STK24: variants seen among roughly 807,000 people sequenced by gnomAD.
The protein encoded by STK24 is serine/threonine kinase 24.
A neutral mutation model predicts 55.6 loss-of-function variants in STK24; 21 were observed. The ratio of observed to expected loss-of-function variants is 0.38; its 90% confidence interval spans 0.27 to 0.54. The LOEUF (loss-of-function observed/expected upper bound fraction) is 0.54. Ranked by LOEUF, STK24 falls within the 20% of genes least tolerant of loss-of-function variation. STK24 has a pLI of 0.79. For missense variants in STK24, 383 were observed against 538.4 expected, an observed-to-expected ratio of 0.71 and a Z score of 2.86; for synonymous variants, 200 against 215.2, an observed-to-expected ratio of 0.93 and a Z score of 0.62.
chr13:98,474,795 C>A (rs376536821), intron 5 of STK24, 26 bp downstream of exon 5: 1 of 1,577,748 alleles, frequency 6.3e-7, no homozygotes, highest in South Asian at 1.2e-5. Flanking sequence ...TCGTGAGGCA[C>A]GGCGCCGCCC....
chr13:98,523,640 G>A (rs564271598), intron 1 of STK24, among the ~76,000 whole-genome samples: 8 of 152,168 alleles, frequency 5.3e-5, no homozygotes, highest in Non-Finnish European at 8.8e-5. Context: ...CTTCCTCGAC[G>A]CCAGCTGAGC....
chr13:98,456,340 C>G, intron 10 of STK24: 5 of 372,866 alleles, frequency 1.3e-5, no homozygotes, highest in Admixed American at 6.5e-5. Flanking sequence ...CCCTCATGAT[C>G]ACAGAGTCTC....
chr13:98,502,559 G>C (rs1895515888), intron 2 of STK24, among the ~76,000 whole-genome samples: 1 of 152,160 alleles, frequency 6.6e-6, no homozygotes, highest in South Asian at 2.1e-4. Context: ...GAGCCCTCAT[G>C]AATGTATTAA....
At chr13:98,488,177 A>ACC (rs1555304730) in intron 2 of STK24, among the ~76,000 whole-genome samples, 1 of 146,578 alleles carries the variant, frequency 6.8e-6, no homozygotes, top group Non-Finnish European at 1.5e-5. Context: ...ACACACACAC[A>ACC]CACACACACA....
At chr13:98,481,889 AAACAAC>A (rs753407168) in intron 3 of STK24, among the ~76,000 whole-genome samples, 21 of 151,844 alleles carry the variant, frequency 1.4e-4, no homozygotes, top group African/African-American at 1.9e-4. Context: ...TTCTACCCAA[AAACAAC>A]AACAACAACA....
chr13:98,517,712 C>T (rs77435235), intron 2 of STK24, among the ~76,000 whole-genome samples: 1,595 of 152,306 alleles, frequency 0.01, 27 homozygotes, highest in African/African-American at 0.036. Flanking sequence ...TTTGCTGTGT[C>T]AAGACCCAAA....
intron 1 of STK24, among the ~76,000 whole-genome samples, chr13:98,546,201 CCT>C (rs1269781655): frequency 2.0e-5 from 3 of 152,192 alleles, no homozygotes; most frequent in Admixed American, 1.3e-4. Context: ...TCCCCCAACC[CCT>C]GTTCACAAGA....
At chr13:98,464,687 G>A (rs1267423540) in intron 6 of STK24, among the ~76,000 whole-genome samples, 1 of 151,488 alleles carries the variant, frequency 6.6e-6, no homozygotes, top group Non-Finnish European at 1.5e-5. Context: ...AGTAGAAACG[G>A]GATTTCACCA....
Position 98,449,002 on chromosome 13 carries a change from G to GTTGTT in STK24, c.*4166_*4170dup, listed in dbSNP as rs1555299007. 1.3e-5 allele frequency: 2 copies of GTTGTT among 152,160 alleles called. No individual in the cohort carries two copies. The highest frequency in any genetic ancestry group is 4.8e-5 in the African/African-American group (2 of 41,406). The allele number at this position is 152,160 out of a possible 1,614,324, so 9.4% of individuals were successfully genotyped here. A position where few individuals can be genotyped will look rare whatever the true frequency, so the allele number is the denominator to read the frequency against. Reference sequence around the variant, plus strand: ...GGTAACTCTTTCCAACCGTAGCAGGGTTGTTTTCTGTTAAGCAAAGCCGAG... The same window carrying GTTGTT: ...GGTAACTCTTTCCAACCGTAGCAGGGTTGTTTTGTTTTCTGTTAAGCAAAGCCGAG... On this transcript the variant is annotated 3_prime_UTR_variant, in exon 11 of 11. Transcript: ENST00000539966.
Position 98,503,024 on chromosome 13 carries a change from G to GTTTTTTTTTTTTTTTT in STK24, c.273+16203_273+16218dup, listed in dbSNP as rs398038978. Among the ~76,000 whole-genome samples, 60 of 107,050 alleles carry GTTTTTTTTTTTTTTTT rather than the reference G, an allele frequency of 5.6e-4. 11 individuals carry two copies. Among genetic ancestry groups the GTTTTTTTTTTTTTTTT allele is most frequent in the African/African-American group, 2.4e-3 (59 of 25,020 alleles). 70.2% of individuals were successfully genotyped at this position (107,050 alleles called of 152,430 possible). On this transcript the variant is annotated intron_variant, in intron 2 of 10. Coordinates refer to ENST00000539966, the MANE Select transcript of STK24 (RefSeq NM_001032296.4). ...AATATATTAGAAATACTTTCCATGTGTTTTTTTTTTTTTTTTTCAGTATGG... is the reference window on the plus strand; with the variant it reads ...AATATATTAGAAATACTTTCCATGTGTTTTTTTTTTTTTTTTTTTTTTTTTTTTTTTTTCAGTATGG...
At chr13:98,475,447 G>T in intron 3 of STK24, 89 bp from the exon 4 acceptor site, 3 of 875,978 alleles carry the variant, frequency 3.4e-6, no homozygotes, top group Non-Finnish European at 3.5e-6. Flanking sequence ...CATGTTAATG[G>T]ACAAGGGTAA....
intron 8 of STK24, 150 bp downstream of exon 8, chr13:98,461,624 G>T: frequency 9.5e-7 from 1 of 1,048,282 alleles, no homozygotes; most frequent in Non-Finnish European, 1.4e-6. Context: ...CAGAACTAAA[G>T]CTCTTCATCT....
At chr13:98,560,789 G>T (rs918922888) in intron 1 of STK24, among the ~76,000 whole-genome samples, 1 of 151,388 alleles carries the variant, frequency 6.6e-6, no homozygotes, top group Non-Finnish European at 1.5e-5. Context: ...GCTGAGGCAC[G>T]AAAACTGCTT....
At chr13:98,535,831 G>A (rs1476115235) in intron 1 of STK24, among the ~76,000 whole-genome samples, 2 of 152,200 alleles carry the variant, frequency 1.3e-5, no homozygotes, top group African/African-American at 4.8e-5. Context: ...CACCTAAGTG[G>A]CAAGGCTCAT....
chr13:98,468,270 T>G (rs1378725267), intron 5 of STK24, among the ~76,000 whole-genome samples: 1 of 152,236 alleles, frequency 6.6e-6, no homozygotes, highest in East Asian at 1.9e-4. Context: ...TTCTTTCTAC[T>G]AAATCTTGTA....
chr13:98,576,275 T>C, intron 1 of STK24: 1 of 951,974 alleles, frequency 1.1e-6, no homozygotes, highest in African/African-American at 1.8e-5. Flanking sequence ...GTCCCCGCCC[T>C]GCCCAGGTCT....
chr13:98,497,429 A>G (rs1173002895), intron 2 of STK24, among the ~76,000 whole-genome samples: 1 of 152,236 alleles, frequency 6.6e-6, no homozygotes, highest in Non-Finnish European at 1.5e-5. Flanking sequence ...AGAGTAAGAC[A>G]CCAATGTTTC....
intron 5 of STK24, among the ~76,000 whole-genome samples, chr13:98,470,502 G>A (rs1026541669): frequency 3.3e-5 from 5 of 152,158 alleles, no homozygotes; most frequent in Non-Finnish European, 4.4e-5. Context: ...AAAATGAGGT[G>A]GAAGGAGAGA....
Position 98,568,725 on chromosome 13 carries a change from AGGCAT to A in STK24, c.42+8015_42+8019del, listed in dbSNP as rs749172926. 1.3e-3 allele frequency among the ~76,000 whole-genome samples: 204 copies of A among 152,116 alleles called. 1 individual carries two copies. The highest frequency in any genetic ancestry group is 1.6e-3 in the Admixed American group (25 of 15,286). On this transcript the variant is annotated intron_variant, in intron 1 of 10. Transcript: ENST00000539966. ...CTACTAAAAAATACAAAAATTAGCC[AGGCAT>A]GGTGGTGGGCGCCTGTAATCCCAGC... is the stretch of plus-strand genomic sequence containing the variant.
Sources: gnomAD v4.1 joint callset for allele counts (sites outside exome capture counted in the v4.1 genomes callset) on GRCh38, gnomAD v4.1.1 for gene constraint, MANE v1.5 for transcripts, NCBI Gene and HGNC (gene_info 2026-07-23, HGNC 2026-07-21) for gene names.